MSRA: variants seen among roughly 807,000 people sequenced by gnomAD.
MSRA encodes methionine sulfoxide reductase A, also known as mitochondrial peptide methionine sulfoxide reductase.
In MSRA, 54 loss-of-function variants were observed where a neutral mutation model predicts 31.3. That is an observed-to-expected ratio of 1.73 (90% confidence interval 1.39 to 2.17). The LOEUF is 2.17. MSRA is among the 30% of genes most tolerant of loss of function. The pLI is 0.00. For synonymous variants in MSRA, 169 were observed against 116.5 expected, an observed-to-expected ratio of 1.45 and a Z score of -2.90; for missense variants, 507 against 300.9, an observed-to-expected ratio of 1.69 and a Z score of -5.07.
intron 5 of MSRA, among the ~76,000 whole-genome samples, chr8:10,405,985 C>G (rs1246161567): frequency 6.6e-6 from 1 of 152,266 alleles, no homozygotes; most frequent in Non-Finnish European, 1.5e-5. Context: ...GAGACTGAGA[C>G]TGGCTATTCA....
chr8:10,061,104 G>A (rs941866368), intron 1 of MSRA, among the ~76,000 whole-genome samples: 15 of 152,048 alleles, frequency 9.9e-5, no homozygotes, highest in Non-Finnish European at 4.4e-5. Context: ...GAAGTCCCTG[G>A]GATGAGGGTA....
chr8:10,125,083 C>T (rs531173527), intron 1 of MSRA, among the ~76,000 whole-genome samples: 1 of 152,320 alleles, frequency 6.6e-6, no homozygotes, highest in East Asian at 1.9e-4. Context: ...CTGTCATTAG[C>T]GATTCCGCAA....
At chr8:10,137,071 G>A (rs767231759) in intron 1 of MSRA, among the ~76,000 whole-genome samples, 14 of 152,106 alleles carry the variant, frequency 9.2e-5, no homozygotes, top group South Asian at 2.1e-4. Context: ...ACAAAAATTC[G>A]CTTCCATCCT....
chr8:10,392,797 A>G (rs1446988390), intron 5 of MSRA, among the ~76,000 whole-genome samples: 1 of 148,890 alleles, frequency 6.7e-6, no homozygotes, highest in Non-Finnish European at 1.5e-5. Flanking sequence ...CTGTAATCCC[A>G]GCACTTTGGG....
rs1201568586 is a variant in MSRA at position 10,213,630 on chromosome 8, G to A, written c.211+5729G>A. On this transcript the variant is annotated intron_variant, in intron 2 of 5. Transcript: ENST00000317173. ...TTTCTGTCTTTTTAGTAGAGACGGG[G>A]TTTCACCATGTTAGCCAGGATGGTC... is the stretch of plus-strand genomic sequence containing the variant. Among the ~76,000 whole-genome samples the A allele has an allele frequency of 3.3e-5, 5 of 151,898 alleles. No homozygotes were observed. The South Asian group carries it at 1.0e-3, about 32-fold the overall frequency.
chr8:10,210,093 A>G (rs1809341999), intron 2 of MSRA, among the ~76,000 whole-genome samples: 1 of 151,994 alleles, frequency 6.6e-6, no homozygotes, highest in African/African-American at 2.4e-5. Context: ...TTGAGGGTGG[A>G]CTTCTGCCAT....
chr8:10,092,915 C>T lies in MSRA; in HGVS notation c.142+38257C>T, dbSNP rs191011511. Among the ~76,000 whole-genome samples the T allele has an allele frequency of 4.6e-5, 7 of 152,254 alleles. No individual in the cohort carries two copies. In the East Asian group the frequency reaches 1.2e-3, roughly 25 times the overall value. On this transcript the variant is annotated intron_variant, in intron 1 of 5. Coordinates refer to ENST00000317173, the MANE Select transcript of MSRA (RefSeq NM_012331.5). Reference sequence around the variant, plus strand: ...TGGTTGTCTCTTCTTGATGAATTAACCCTGTTAGCATTATAAAACGTCCTT... The same window carrying T: ...TGGTTGTCTCTTCTTGATGAATTAATCCTGTTAGCATTATAAAACGTCCTT...
At chr8:10,304,608 A>C (rs1313428278) in intron 4 of MSRA, among the ~76,000 whole-genome samples, 1 of 152,208 alleles carries the variant, frequency 6.6e-6, no homozygotes, top group Non-Finnish European at 1.5e-5. Flanking sequence ...CGAAGGATGG[A>C]CCAGAGGCAG....
chr8:10,335,250 G>GT (rs1170264568), intron 5 of MSRA, among the ~76,000 whole-genome samples: 14,420 of 80,132 alleles, frequency 0.18, 1,561 homozygotes, highest in African/African-American at 0.32. Flanking sequence ...TCCCAGCTCT[G>GT]TTTTTTTTTT....
At chr8:10,264,167 T>C (rs1798623900) in intron 3 of MSRA, among the ~76,000 whole-genome samples, 1 of 152,192 alleles carries the variant, frequency 6.6e-6, no homozygotes, top group Admixed American at 6.5e-5. Context: ...CCAGTCTTTT[T>C]GTGAAAGTCA....
intron 1 of MSRA, among the ~76,000 whole-genome samples, chr8:10,179,016 G>A (rs1806308123): frequency 6.6e-6 from 1 of 152,072 alleles, no homozygotes; most frequent in Non-Finnish European, 1.5e-5. Flanking sequence ...CTGATGCTCT[G>A]TTGATTCGTG....
chr8:10,238,246 G>A (rs1362255203), intron 2 of MSRA, among the ~76,000 whole-genome samples: 2 of 152,162 alleles, frequency 1.3e-5, no homozygotes, highest in Non-Finnish European at 2.9e-5. Flanking sequence ...TGCCTCCATG[G>A]CTTTGTTTGC....
At chr8:10,275,037 C>G (rs1305824730) in intron 3 of MSRA, among the ~76,000 whole-genome samples, 26 of 152,100 alleles carry the variant, frequency 1.7e-4, no homozygotes, top group Admixed American at 1.7e-3. Flanking sequence ...TGGAATTAAT[C>G]AAGGACATGA....
intron 3 of MSRA, among the ~76,000 whole-genome samples, chr8:10,294,073 A>C (rs775136188): frequency 4.6e-5 from 7 of 152,148 alleles, no homozygotes; most frequent in Non-Finnish European, 8.8e-5. Context: ...GCATGGTGGC[A>C]TGCACCTATA....
chr8:10,111,671 T>C (rs1800295068), intron 1 of MSRA, among the ~76,000 whole-genome samples: 3 of 152,226 alleles, frequency 2.0e-5, no homozygotes, highest in African/African-American at 7.2e-5. Context: ...GGAATGTTCT[T>C]GTTCATGTTA....
intron 5 of MSRA, among the ~76,000 whole-genome samples, chr8:10,339,263 T>G (rs986651558): frequency 3.3e-5 from 5 of 152,214 alleles, no homozygotes; most frequent in African/African-American, 4.8e-5. Flanking sequence ...TCTCTTTATC[T>G]GAGCATGGAG....
chr8:10,143,963 C>T lies in MSRA; in HGVS notation c.143-63870C>T, dbSNP rs577165011. Among the ~76,000 whole-genome samples the T allele has an allele frequency of 7.9e-5, 12 of 152,262 alleles. No individual in the cohort carries two copies. In the South Asian group the frequency reaches 2.5e-3, roughly 32 times the overall value. ...TCAAGAAGCAGGGGAGACCAAGACG[C>T]CACTCCTGTTGAGGATGTTCTGTGG... On this transcript the variant is annotated intron_variant, in intron 1 of 5. Coordinates refer to ENST00000317173, the MANE Select transcript of MSRA (RefSeq NM_012331.5).
At chr8:10,332,451 T>TCCA (rs1554529517) in intron 5 of MSRA, among the ~76,000 whole-genome samples, 1 of 146,512 alleles carries the variant, frequency 6.8e-6, no homozygotes, top group Non-Finnish European at 1.5e-5. Context: ...AAAAGAAAAA[T>TCCA]CCCCCCTCCC....
At chr8:10,200,161 C>G (rs573361497) in intron 1 of MSRA, among the ~76,000 whole-genome samples, 1 of 152,326 alleles carries the variant, frequency 6.6e-6, no homozygotes, top group East Asian at 1.9e-4. Flanking sequence ...CTCCGTTCTG[C>G]TGCGTCTGGA....
Sources: allele counts gnomAD v4.1 joint callset (sites outside exome capture counted in the v4.1 genomes callset), GRCh38; gene constraint gnomAD v4.1.1; transcripts MANE v1.5; gene names NCBI Gene and HGNC (gene_info 2026-07-23, HGNC 2026-07-21).